Variants in RAD51B observed in about 807,000 individuals in gnomAD.
The protein encoded by RAD51B is DNA repair protein RAD51 homolog 2.
RAD51B carries 38 observed loss-of-function variants against 42.2 expected under a neutral mutation model. The observed-to-expected ratio is 0.90, with a 90% CI of 0.70 to 1.18. RAD51B has a LOEUF of 1.18. Among genes scored for constraint, RAD51B ranks in the 50% most tolerant of loss-of-function variants. The probability of loss-of-function intolerance (pLI) is 0.00; values close to 1 mark genes in which losing one functional copy is unlikely to be tolerated. For missense variants in RAD51B, 373 were observed against 400.7 expected (o/e 0.93, Z 0.59); for synonymous variants, 154 against 145.2 (o/e 1.06, Z -0.43).
chr14:67,974,110 G>T (rs1368930669), intron 7 of RAD51B, among the ~76,000 whole-genome samples: 2 of 152,064 alleles, frequency 1.3e-5, no homozygotes, highest in Non-Finnish European at 2.9e-5. Flanking sequence ...AATTAAAACG[G>T]AGGTTTGTGT....
At chr14:68,356,329 G>A (rs565299429) in intron 8 of RAD51B, among the ~76,000 whole-genome samples, 16 of 151,696 alleles carry the variant, frequency 1.1e-4, no homozygotes, top group African/African-American at 3.6e-4. Context: ...CAGCTACTCC[G>A]GAGGCTGAGG....
chr14:68,349,988 C>T (rs148817573), intron 8 of RAD51B, among the ~76,000 whole-genome samples: 49 of 152,336 alleles, frequency 3.2e-4, no homozygotes, highest in African/African-American at 9.9e-4. Context: ...TACACGCTAT[C>T]GCACTGGGAG....
rs945881708 is a variant in RAD51B, at chr14:67,926,771, C to T, written c.756+39567C>T. On this transcript the variant is annotated intron_variant, in intron 7 of 10. Coordinates refer to ENST00000471583, the MANE Select transcript of RAD51B (RefSeq NM_133510.4). Reference sequence around the variant, plus strand: ...TAGGGGTGGGGTTTCATCATGTTGGCCAGGCTGGTCTCGAACTCCCAACTT... The same window carrying T: ...TAGGGGTGGGGTTTCATCATGTTGGTCAGGCTGGTCTCGAACTCCCAACTT... Among the ~76,000 whole-genome samples the T allele has an allele frequency of 9.2e-5, 14 of 151,982 alleles. No individual in the cohort carries two copies. The South Asian group carries it at 2.5e-3, about 27-fold the overall frequency.
intron 7 of RAD51B, among the ~76,000 whole-genome samples, chr14:68,180,985 A>T (rs371773108): frequency 6.6e-6 from 1 of 152,342 alleles, no homozygotes; most frequent in East Asian, 1.9e-4. Flanking sequence ...GCAACAGCAG[A>T]GGCATTGGTG....
intron 8 of RAD51B, among the ~76,000 whole-genome samples, chr14:68,322,979 C>A (rs1408550849): frequency 2.0e-5 from 3 of 152,196 alleles, no homozygotes; most frequent in African/African-American, 7.2e-5. Flanking sequence ...TAACCTTGAC[C>A]AGTAGATTCG....
Position 68,670,192 on chromosome 14 carries a change from G to A in RAD51B, c.*11+19336G>A, listed in dbSNP as rs144694568. Among the ~76,000 whole-genome samples, 562 of 152,292 alleles carry A rather than the reference G, an allele frequency of 3.7e-3. 1 individual carries two copies. The highest frequency in any genetic ancestry group is 6.8e-3 in the Middle Eastern group (2 of 294). ...ACCCTTCCTTGTGACGGGAAGTTTG[G>A]GATTGGAACCGTCCGTGGGCCCTGC... is the stretch of plus-strand genomic sequence containing the variant. On this transcript the variant is annotated intron_variant, in intron 11 of 11. Coordinates refer to the RAD51B transcript ENST00000488612.
intron 7 of RAD51B, among the ~76,000 whole-genome samples, chr14:68,120,975 T>G (rs2077641435): frequency 6.6e-6 from 1 of 152,218 alleles, no homozygotes; most frequent in South Asian, 2.1e-4. Flanking sequence ...ACTAGTCTTC[T>G]GTCATATTGC....
At chr14:68,105,493 G>T (rs1365950933) in intron 7 of RAD51B, among the ~76,000 whole-genome samples, 4 of 151,902 alleles carry the variant, frequency 2.6e-5, no homozygotes, top group African/African-American at 9.7e-5. Context: ...AGGACTATGG[G>T]CCTGGGGGTC....
At chr14:68,458,969 G>A (rs1418460574) in intron 9 of RAD51B, among the ~76,000 whole-genome samples, 1 of 152,164 alleles carries the variant, frequency 6.6e-6, no homozygotes, top group Non-Finnish European at 1.5e-5. Flanking sequence ...TGGTGTTGAG[G>A]CTTCAGTGTT....
At chr14:67,825,898 T>G (rs2040816557) in intron 3 of RAD51B, among the ~76,000 whole-genome samples, 1 of 152,050 alleles carries the variant, frequency 6.6e-6, no homozygotes, top group Non-Finnish European at 1.5e-5. Flanking sequence ...GCCAACTTAT[T>G]TTTATATTAT....
At chr14:68,261,586 T>C (rs1200138276) in intron 7 of RAD51B, among the ~76,000 whole-genome samples, 1 of 152,230 alleles carries the variant, frequency 6.6e-6, no homozygotes, top group Admixed American at 6.5e-5. Flanking sequence ...TATACCCATA[T>C]AGTGTGCAGC....
intron 10 of RAD51B, among the ~76,000 whole-genome samples, chr14:68,627,730 C>T (rs768232462): frequency 6.6e-5 from 10 of 152,340 alleles, no homozygotes; most frequent in South Asian, 4.1e-4. Context: ...CCCCAACTCA[C>T]TCCTAGTCTA....
rs536073811 is a variant in RAD51B, at chr14:68,629,737, C to T, written c.1037-21044C>T. Among the ~76,000 whole-genome samples the T allele has an allele frequency of 3.3e-5, 5 of 152,358 alleles. No individual in the cohort carries two copies. The South Asian group carries it at 8.3e-4, about 25-fold the overall frequency. On this transcript the variant is annotated intron_variant, in intron 10 of 11. Transcript: ENST00000488612. ...GTTATAAATCCCAGGGTCGGACTTA[C>T]ATTCCCCAGCTGCAAAAAGCATACA...
At chr14:68,669,896 C>A (rs1893117729) in intron 11 of RAD51B, among the ~76,000 whole-genome samples, 1 of 152,192 alleles carries the variant, frequency 6.6e-6, no homozygotes, top group Non-Finnish European at 1.5e-5. Context: ...AGTTTCCCTG[C>A]CTGTCAGTTT....
chr14:68,616,960 A>T (rs997028601), intron 10 of RAD51B, among the ~76,000 whole-genome samples: 2 of 151,738 alleles, frequency 1.3e-5, no homozygotes, highest in African/African-American at 2.4e-5. Flanking sequence ...CATTTTATGT[A>T]TGTTTTTCTT....
chr14:68,217,649 C>T (rs2079843603), intron 7 of RAD51B, among the ~76,000 whole-genome samples: 1 of 152,264 alleles, frequency 6.6e-6, no homozygotes, highest in Admixed American at 6.5e-5. Context: ...GAGTGGCATT[C>T]TCAAGATTTT....
intron 11 of RAD51B, among the ~76,000 whole-genome samples, chr14:68,665,124 C>G (rs1227870364): frequency 6.6e-6 from 1 of 152,358 alleles, no homozygotes; most frequent in African/African-American, 2.4e-5. Flanking sequence ...ACTTAGAAAA[C>G]CAGAGATGTT....
intron 10 of RAD51B, among the ~76,000 whole-genome samples, chr14:68,532,299 T>G (rs1245490195): frequency 1.3e-5 from 2 of 152,100 alleles, no homozygotes; most frequent in Non-Finnish European, 2.9e-5. Flanking sequence ...AGAAGTTGAT[T>G]ATTCAAAATT....
At chr14:68,551,075 C>G (rs1159053116) in intron 10 of RAD51B, among the ~76,000 whole-genome samples, 2 of 152,124 alleles carry the variant, frequency 1.3e-5, no homozygotes, top group Non-Finnish European at 2.9e-5. Flanking sequence ...TAACTGCTTA[C>G]CCCAGCACTC....
Sources: gnomAD v4.1 joint callset for allele counts (sites outside exome capture counted in the v4.1 genomes callset) on GRCh38, gnomAD v4.1.1 for gene constraint, MANE v1.5 for transcripts, NCBI Gene and HGNC (gene_info 2026-07-23, HGNC 2026-07-21) for gene names.